Variants in CCDC73 observed in about 807,000 individuals in gnomAD.
CCDC73 encodes coiled-coil domain containing 73.
Under a neutral mutation model 116.5 loss-of-function variants are expected in CCDC73, and 95 were observed. The observed-to-expected ratio is 0.82, with a 90% CI of 0.69 to 0.97. The LOEUF (loss-of-function observed/expected upper bound fraction) is 0.97. Ranked by LOEUF, CCDC73 falls within the 50% of genes least tolerant of loss-of-function variation. The pLI is 0.00. For synonymous variants in CCDC73, 398 were observed against 401.3 expected (o/e 0.99, Z 0.10); for missense variants, 1,066 against 1,206.8 (o/e 0.88, Z 1.73).
At position 32,602,791 on chromosome 11, in the gene CCDC73, A is replaced by G; in HGVS notation, c.*20T>C. ...AGAATTTCAGTTACATAATTTCACT[A>G]CTGAAAGCACTTATCTACATTATTT... On this transcript the variant is annotated 3_prime_UTR_variant, in exon 18 of 18. Coordinates refer to ENST00000335185, the MANE Select transcript of CCDC73 (RefSeq NM_001008391.4). 1 of 1,471,862 alleles carries G rather than the reference A, an allele frequency of 6.8e-7. No individual in the cohort carries two copies. Among genetic ancestry groups the G allele is most frequent in the Non-Finnish European group, 9.2e-7 (1 of 1,083,846 alleles). 91.2% of individuals were successfully genotyped at this position (1,471,862 alleles called of 1,614,324 possible).
chr11:32,778,405 T>C (rs2133393988), intron 1 of CCDC73, among the ~76,000 whole-genome samples: 1 of 152,370 alleles, frequency 6.6e-6, no homozygotes, highest in African/African-American at 2.4e-5. Flanking sequence ...TTTTGTTTTC[T>C]TGTTTAATTT....
At chr11:32,826,233 C>T in the CCDC73 span, among the ~76,000 whole-genome samples, 6 of 152,218 alleles carry the variant, frequency 3.9e-5, no homozygotes, top group Admixed American at 1.3e-4. Context: ...TCATTTCTCA[C>T]TTGCTGACTA....
chr11:32,681,681 T>A (rs1037479041), intron 7 of CCDC73: 1 of 151,996 alleles, frequency 6.6e-6, no homozygotes, highest in African/African-American at 2.4e-5. Context: ...CTAGTGGCTA[T>A]CTTGTTTCCT....
upstream of CCDC73, among the ~76,000 whole-genome samples, chr11:32,796,311 T>C (rs1850727799): frequency 6.6e-6 from 1 of 152,254 alleles, no homozygotes; most frequent in South Asian, 2.1e-4. Context: ...TAAATTCATA[T>C]GAATGAATAA....
intron 9 of CCDC73, among the ~76,000 whole-genome samples, chr11:32,670,319 G>A (rs919729133): frequency 5.9e-5 from 9 of 152,034 alleles, no homozygotes; most frequent in Non-Finnish European, 1.0e-4. Flanking sequence ...TCAGGAGATC[G>A]AGACCATCCT....
intron 7 of CCDC73, 103 bp from the exon 8 acceptor site, chr11:32,676,124 A>G (rs1856086513): frequency 1.2e-6 from 1 of 863,232 alleles, no homozygotes; most frequent in African/African-American, 1.8e-5. Flanking sequence ...GTTGTTAGTA[A>G]TATAACATAA....
chr11:32,711,088 G>A (rs1849896473), intron 3 of CCDC73, among the ~76,000 whole-genome samples: 1 of 152,104 alleles, frequency 6.6e-6, no homozygotes, highest in African/African-American at 2.4e-5. Flanking sequence ...AAACCACAAT[G>A]TGATACCACC....
At chr11:32,701,884 C>T (rs1487263306) in intron 4 of CCDC73, among the ~76,000 whole-genome samples, 1 of 151,956 alleles carries the variant, frequency 6.6e-6, no homozygotes, top group African/African-American at 2.4e-5. Flanking sequence ...TTAAAAAGCA[C>T]ACACACACAC....
At chr11:32,740,310 G>A (rs1168112129) in intron 2 of CCDC73, among the ~76,000 whole-genome samples, 1 of 151,970 alleles carries the variant, frequency 6.6e-6, no homozygotes, top group Non-Finnish European at 1.5e-5. Flanking sequence ...CCACAGTGAA[G>A]CCATTGGGTC....
chr11:32,820,180 G>C, the CCDC73 span, among the ~76,000 whole-genome samples: 1 of 152,090 alleles, frequency 6.6e-6, no homozygotes, highest in South Asian at 2.1e-4. Context: ...TGAGACAGAA[G>C]CTCTCTCTGT....
In CCDC73 at chr11:32,736,244, T is replaced by A. The variant is rs1022031642; in HGVS notation, c.136-18097A>T. On this transcript the variant is annotated intron_variant, in intron 2 of 17. Coordinates refer to ENST00000335185, the MANE Select transcript of CCDC73 (RefSeq NM_001008391.4). ...AGGCAACCTACAGAATGGAAGAAAA[T>A]TTTTGCAATCTACTCATCTGACAAA... Among the ~76,000 whole-genome samples the A allele has an allele frequency of 4.9e-3, 742 of 151,942 alleles. 4 individuals carry two copies. The highest frequency in any genetic ancestry group is 7.5e-3 in the Non-Finnish European group (511 of 67,964).
At chr11:32,736,954 A>G (rs1850135982) in intron 2 of CCDC73, among the ~76,000 whole-genome samples, 1 of 149,796 alleles carries the variant, frequency 6.7e-6, no homozygotes, top group African/African-American at 2.5e-5. Flanking sequence ...ATATATATAT[A>G]CACACATATA....
chr11:32,829,682 G>A, the CCDC73 span: 1 of 790,922 alleles, frequency 1.3e-6, no homozygotes, highest in East Asian at 1.3e-4. Flanking sequence ...CCTGAATTAG[G>A]ATCATTGAGA....
chr11:32,619,878 G>GGGGAGGGGAAGGGA (rs1233943846), intron 14 of CCDC73, among the ~76,000 whole-genome samples: 1 of 147,320 alleles, frequency 6.8e-6, no homozygotes, highest in Non-Finnish European at 1.5e-5. Context: ...GAAGGAGGAG[G>GGGGAGGGGAAGGGA]GGGAGGGGAA....
chr11:32,752,065 T>C (rs1850291514), intron 2 of CCDC73, among the ~76,000 whole-genome samples: 1 of 152,234 alleles, frequency 6.6e-6, no homozygotes, highest in Non-Finnish European at 1.5e-5. Context: ...TTCTCATAAT[T>C]AAATAATCTA....
chr11:32,755,536 A>AATATATATATATATAT (rs375204188), intron 2 of CCDC73, among the ~76,000 whole-genome samples: 5 of 59,928 alleles, frequency 8.3e-5, no homozygotes, highest in Admixed American at 2.0e-4. Flanking sequence ...TCCATCTCAA[A>AATATATATATATATAT]ATATATATAT....
rs775217614 is a variant in CCDC73, at chr11:32,616,127, AT to A, written c.1187del (p.Asn396MetfsTer5). 1 of 1,564,466 alleles carries A rather than the reference AT, an allele frequency of 6.4e-7. No individual in the cohort carries two copies. The highest frequency in any genetic ancestry group is 8.6e-7 in the Non-Finnish European group (1 of 1,162,588). On this transcript the variant is annotated frameshift_variant and splice_region_variant, in exon 15 of 18. Coordinates refer to ENST00000335185, the MANE Select transcript of CCDC73 (RefSeq NM_001008391.4). LOFTEE classifies it high-confidence loss of function. ...TGTTTTCATTATTTACTTCTGGAAC[AT>A]TCTAGTGTAAAATGGAAGAGATTCT... ...KTFEEDKKFQ[N>X]VPEVNNENSE...
chr11:32,671,969 T>TA (rs1256009895), intron 9 of CCDC73, among the ~76,000 whole-genome samples: 1 of 152,186 alleles, frequency 6.6e-6, no homozygotes, highest in Non-Finnish European at 1.5e-5. Flanking sequence ...TGCGCCTTCT[T>TA]ACATAAATCC....
intron 2 of CCDC73, among the ~76,000 whole-genome samples, chr11:32,735,825 G>A (rs1331987462): frequency 6.6e-6 from 1 of 152,030 alleles, no homozygotes; most frequent in African/African-American, 2.4e-5. Context: ...TAGACCAATG[G>A]AACAGAACAG....
Sources: allele counts gnomAD v4.1 joint callset (sites outside exome capture counted in the v4.1 genomes callset), GRCh38; gene constraint gnomAD v4.1.1; transcripts MANE v1.5; gene names NCBI Gene and HGNC (gene_info 2026-07-23, HGNC 2026-07-21).